Variants in PSMD9 observed in about 807,000 individuals in gnomAD.
The protein encoded by PSMD9 is 26S proteasome non-ATPase regulatory subunit 9.
In PSMD9, 26 loss-of-function variants were observed where a neutral mutation model predicts 25.9. That is an observed-to-expected ratio of 1.00 (90% CI 0.73 to 1.39). The LOEUF (loss-of-function observed/expected upper bound fraction) is 1.39. Among genes scored for constraint, PSMD9 ranks in the 40% most tolerant of loss-of-function variants. The pLI, the probability that PSMD9 is intolerant of heterozygous loss-of-function variation, is 0.00. For synonymous variants in PSMD9, 110 were observed against 114.5 expected (o/e 0.96, Z 0.25); for missense variants, 303 against 299.3 (o/e 1.01, Z -0.09).
intron 4 of PSMD9, among the ~76,000 whole-genome samples, chr12:121,904,404 C>A (rs1879492048): frequency 6.7e-6 from 1 of 149,278 alleles, no homozygotes; most frequent in Admixed American, 6.6e-5. Context: ...GAAACCCCGT[C>A]TCTACTAAAA....
At position 121,899,731 on chromosome 12, in the gene PSMD9, T is replaced by C; in HGVS notation, c.339T>C (p.Ala113=). Residue 113 remains alanine, a synonymous_variant, in exon 3 of 6, where the codon GCT becomes GCC. Coordinates refer to ENST00000541212, the MANE Select transcript of PSMD9 (RefSeq NM_002813.7). ...AGGAGAAGCAGGCCCGGGACATGGC[T>C]GAGGCCCACAAAGAGGCCATGAGCC... ...RDKEKQARDM[A]EAHKEAMSRK... 1 of 1,614,124 alleles carries C rather than the reference T, an allele frequency of 6.2e-7. No individual in the cohort carries two copies. The highest frequency in any genetic ancestry group is 1.1e-5 in the South Asian group (1 of 91,082).
intron 4 of PSMD9, among the ~76,000 whole-genome samples, chr12:121,912,286 C>T (rs1879748247): frequency 2.0e-5 from 3 of 152,058 alleles, no homozygotes; most frequent in Admixed American, 2.0e-4. Context: ...CCGTCTTGGC[C>T]TCCCAAAGTG....
At chr12:121,911,757 AT>A (rs1879728424) in intron 4 of PSMD9, among the ~76,000 whole-genome samples, 1 of 147,704 alleles carries the variant, frequency 6.8e-6, no homozygotes, top group African/African-American at 2.5e-5. Flanking sequence ...CAGGTTAGTG[AT>A]TCTCCTGTCT....
At chr12:121,914,409 G>C (rs1271302954) in intron 4 of PSMD9, 3 of 151,996 alleles carry the variant, frequency 2.0e-5, no homozygotes, top group African/African-American at 7.3e-5. Context: ...AATTATCTGG[G>C]CATGGTGGCA....
intron 4 of PSMD9, among the ~76,000 whole-genome samples, chr12:121,903,608 T>C (rs1010199190): frequency 2.0e-5 from 3 of 152,086 alleles, no homozygotes; most frequent in Admixed American, 6.6e-5. Flanking sequence ...TCCTTCTGTT[T>C]AGAATGCTCT....
intron 4 of PSMD9, among the ~76,000 whole-genome samples, chr12:121,905,152 T>G (rs1274503788): frequency 6.6e-6 from 1 of 151,818 alleles, no homozygotes; most frequent in African/African-American, 2.4e-5. Flanking sequence ...TTTATTTTAT[T>G]AAGGTGTAAT....
chr12:121,904,639 T>TTATTA (rs1555214062), intron 4 of PSMD9, among the ~76,000 whole-genome samples: 1 of 138,938 alleles, frequency 7.2e-6, no homozygotes, highest in Non-Finnish European at 1.5e-5. Flanking sequence ...CCATCTGAAA[T>TTATTA]TTATTATTAT....
Position 121,899,645 on chromosome 12 carries a change from G to T in PSMD9, c.253G>T (p.Asp85Tyr). 6.2e-7 allele frequency: 1 copy of T among 1,607,666 alleles called. No homozygotes were observed. The highest frequency in any genetic ancestry group is 1.1e-5 in the South Asian group (1 of 89,986). ...GGTTCTCATCCCAGGCCTGCAGAAT[G>T]ATCACAAGGCAGTGATGAAGCAGGT... is the stretch of plus-strand genomic sequence containing the variant. ...ARHNIICLQN[D>Y]HKAVMKQVEE... Residue 85 changes from aspartate (D) to tyrosine (Y), a missense_variant, in exon 3 of 6, where the codon GAT (aspartate) becomes TAT (tyrosine). Coordinates refer to ENST00000541212, the MANE Select transcript of PSMD9 (RefSeq NM_002813.7).
chr12:121,901,801 G>A (rs548487425), intron 3 of PSMD9, among the ~76,000 whole-genome samples: 18 of 148,850 alleles, frequency 1.2e-4, no homozygotes, highest in African/African-American at 4.3e-4. Context: ...TCATCCTCCC[G>A]AGTAGCTGGG....
At chr12:121,912,268 G>A (rs1237589341) in intron 4 of PSMD9, among the ~76,000 whole-genome samples, 4 of 150,300 alleles carry the variant, frequency 2.7e-5, no homozygotes, top group Admixed American at 6.6e-5. Context: ...GGGCTCAAGC[G>A]ATCCCACCCG....
At chr12:121,901,928 G>C (rs1421060592) in intron 3 of PSMD9, 1 of 148,668 alleles carries the variant, frequency 6.7e-6, no homozygotes, top group Non-Finnish European at 1.5e-5. Context: ...TGATCCGCCC[G>C]CCTCAGCCTC....
Position 121,888,815 on chromosome 12 carries a change from G to C in PSMD9, c.-42G>C. ...ACGGTCGACTGGGGCGTCGTCCCTA[G>C]CCCGGGAGCCGGGTCTCTGGAGTCG... On this transcript the variant is annotated 5_prime_UTR_variant, in exon 1 of 6. Transcript: ENST00000541212. 6.3e-7 allele frequency: 1 copy of C among 1,582,272 alleles called. No homozygotes were observed. Among genetic ancestry groups the C allele is most frequent in the Non-Finnish European group, 8.6e-7 (1 of 1,165,416 alleles).
At chr12:121,907,610 T>C (rs1314394849) in intron 4 of PSMD9, among the ~76,000 whole-genome samples, 6 of 152,226 alleles carry the variant, frequency 3.9e-5, no homozygotes, top group African/African-American at 1.4e-4. Context: ...TTTTGGGTGA[T>C]GAAAATGATC....
At chr12:121,908,126 G>A (rs576881532) in intron 4 of PSMD9, 1 of 152,004 alleles carries the variant, frequency 6.6e-6, no homozygotes, top group African/African-American at 2.4e-5. Flanking sequence ...CTAAGAATTT[G>A]TCTACCAGGT....
At chr12:121,902,782 A>G in intron 3 of PSMD9, 1 of 483,100 alleles carries the variant, frequency 2.1e-6, no homozygotes. Flanking sequence ...AGACCTGGTC[A>G]TCTTTACTAG....
At position 121,915,929 on chromosome 12, in the gene PSMD9, G is replaced by A. The variant is rs369086059; in HGVS notation, c.629G>A (p.Gly210Glu). Residue 210 changes from glycine (G) to glutamate (E), a missense_variant, in exon 5 of 6, where the codon GGA becomes GAA. Physicochemically the swap from Gly to Glu is moderately conservative, Grantham distance 98 (BLOSUM62 -2). Transcript: ENST00000541212. ...AGACTTGTTCCAACACGCTGGGCAG[G>A]AAAAGGACTGCTGGGGTAAAGTATC... ...QLRLVPTRWA[G>E]KGLLGCNIIP... The A allele has an allele frequency of 6.2e-7, 1 of 1,613,792 alleles. No homozygotes were observed. Among genetic ancestry groups the A allele is most frequent in the African/African-American group, 1.3e-5 (1 of 75,056 alleles).
chr12:121,906,818 A>G (rs1214851845), intron 4 of PSMD9, among the ~76,000 whole-genome samples: 1 of 144,604 alleles, frequency 6.9e-6, no homozygotes, highest in South Asian at 2.2e-4. Flanking sequence ...TCCCATCTCA[A>G]AAAAAAAAAA....
In PSMD9 at chr12:121,903,131, CG is replaced by C. The variant is rs1565893110; in HGVS notation, c.555+26del. 1.9e-6 allele frequency: 3 copies of C among 1,596,322 alleles called. No homozygotes were observed. In the African/African-American group the frequency reaches 4.0e-5, roughly 21 times the overall value. On this transcript the variant is annotated intron_variant, in intron 4 of 5. Transcript: ENST00000541212. ...GGGTGAGTGGGGCTACCTGGTGTCT[CG>C]GTCTGTTTGGGTTTTTCTAACAGTA...
At chr12:121,907,805 C>T (rs552617703) in intron 4 of PSMD9, among the ~76,000 whole-genome samples, 1 of 152,172 alleles carries the variant, frequency 6.6e-6, no homozygotes, top group Non-Finnish European at 1.5e-5. Context: ...TTTGGGAGGC[C>T]AAGGCAGGAG....
Sources: allele counts gnomAD v4.1 joint callset (sites outside exome capture counted in the v4.1 genomes callset), GRCh38; gene constraint gnomAD v4.1.1; transcripts MANE v1.5; gene names NCBI Gene and HGNC (gene_info 2026-07-23, HGNC 2026-07-21).